ARHGAP15: variants seen among roughly 807,000 people sequenced by gnomAD.
The protein encoded by ARHGAP15 is rho GTPase-activating protein 15.
Under a neutral mutation model 63.7 loss-of-function variants are expected in ARHGAP15, and 51 were observed. That is an observed-to-expected ratio of 0.80 (90% CI 0.64 to 1.01). ARHGAP15 has a LOEUF of 1.01. Among genes scored for constraint, ARHGAP15 ranks in the 50% least tolerant of loss-of-function variants. The pLI, the probability that ARHGAP15 is intolerant of heterozygous loss-of-function variation, is 0.00. For synonymous variants in ARHGAP15, 191 were observed against 193.8 expected, an observed-to-expected ratio of 0.99 and a Z score of 0.12; for missense variants, 560 against 564.6, an observed-to-expected ratio of 0.99 and a Z score of 0.08.
At chr2:143,332,847 T>G (rs1352340217) in intron 6 of ARHGAP15, among the ~76,000 whole-genome samples, 1 of 152,082 alleles carries the variant, frequency 6.6e-6, no homozygotes, top group Non-Finnish European at 1.5e-5. Flanking sequence ...GTGTCAAATA[T>G]TATTAGTTCT....
At chr2:143,147,765 G>A (rs954851824) in intron 1 of ARHGAP15, among the ~76,000 whole-genome samples, 2 of 152,008 alleles carry the variant, frequency 1.3e-5, no homozygotes, top group Non-Finnish European at 2.9e-5. Flanking sequence ...GATGTTCAGA[G>A]TGAAGTACCT....
intron 9 of ARHGAP15, among the ~76,000 whole-genome samples, chr2:143,505,074 G>A (rs576944714): frequency 1.4e-4 from 22 of 152,190 alleles, no homozygotes; most frequent in Non-Finnish European, 2.2e-4. Flanking sequence ...TTCCTCAACA[G>A]AAATTACACC....
At chr2:143,252,037 A>C (rs1267635713) in intron 6 of ARHGAP15, among the ~76,000 whole-genome samples, 3 of 152,066 alleles carry the variant, frequency 2.0e-5, no homozygotes, top group Non-Finnish European at 2.9e-5. Context: ...CTTATTATGT[A>C]CTGTGAATTT....
intron 6 of ARHGAP15, among the ~76,000 whole-genome samples, chr2:143,423,543 A>G (rs1222861641): frequency 6.6e-6 from 1 of 152,146 alleles, no homozygotes; most frequent in East Asian, 1.9e-4. Context: ...GGATGTGTAC[A>G]GTAGTGAGAT....
chr2:143,540,205 C>T (rs1347877685), intron 10 of ARHGAP15, among the ~76,000 whole-genome samples: 3 of 152,114 alleles, frequency 2.0e-5, no homozygotes, highest in Non-Finnish European at 2.9e-5. Flanking sequence ...ATTGCAACCC[C>T]TGCCTTTTTT....
chr2:143,326,452 A>T (rs1427886275), intron 6 of ARHGAP15, among the ~76,000 whole-genome samples: 1 of 152,210 alleles, frequency 6.6e-6, no homozygotes, highest in African/African-American at 2.4e-5. Flanking sequence ...TCTACACAGC[A>T]CTATTGAGAA....
At chr2:143,279,335 T>G (rs1303307986) in intron 6 of ARHGAP15, among the ~76,000 whole-genome samples, 3 of 152,144 alleles carry the variant, frequency 2.0e-5, no homozygotes, top group Non-Finnish European at 4.4e-5. Context: ...TTGCGTCTGA[T>G]GATGGGAAGT....
intron 6 of ARHGAP15, among the ~76,000 whole-genome samples, chr2:143,257,145 T>C (rs1036343361): frequency 1.6e-4 from 24 of 152,118 alleles, no homozygotes; most frequent in African/African-American, 5.8e-4. Flanking sequence ...CCCGTGAAAC[T>C]CACTAGTCAA....
At chr2:143,395,459 C>T (rs1687717366) in intron 6 of ARHGAP15, among the ~76,000 whole-genome samples, 2 of 152,152 alleles carry the variant, frequency 1.3e-5, no homozygotes, top group South Asian at 4.1e-4. Flanking sequence ...AATATTCACA[C>T]ATTTGCAGAG....
chr2:143,313,149 G>A (rs567284121), intron 6 of ARHGAP15, among the ~76,000 whole-genome samples: 2 of 152,016 alleles, frequency 1.3e-5, no homozygotes, highest in Non-Finnish European at 2.9e-5. Flanking sequence ...ATACTGACAA[G>A]ATGAGAGAGA....
chr2:143,167,479 T>C (rs1210865786), intron 2 of ARHGAP15, among the ~76,000 whole-genome samples: 3 of 152,176 alleles, frequency 2.0e-5, no homozygotes, highest in East Asian at 1.9e-4. Flanking sequence ...GAAACCCAGA[T>C]TGGATTCAGT....
chr2:143,230,941 G>A (rs749353730), intron 5 of ARHGAP15, among the ~76,000 whole-genome samples: 55 of 152,262 alleles, frequency 3.6e-4, no homozygotes, highest in South Asian at 1.2e-3. Context: ...AGTGCAGAAT[G>A]TGATTTAAAA....
chr2:143,648,384 A>G (rs1380134717), intron 12 of ARHGAP15, among the ~76,000 whole-genome samples: 1 of 152,032 alleles, frequency 6.6e-6, no homozygotes, highest in Non-Finnish European at 1.5e-5. Flanking sequence ...CTAGTAGCCT[A>G]CAGGGTAATT....
chr2:143,686,107 G>A (rs1171662012), intron 12 of ARHGAP15, among the ~76,000 whole-genome samples: 10 of 152,068 alleles, frequency 6.6e-5, no homozygotes, highest in Non-Finnish European at 5.9e-5. Context: ...CCAGAAATTG[G>A]ATGTAGAAAA....
chr2:143,694,346 A>G (rs1683748304), intron 12 of ARHGAP15, among the ~76,000 whole-genome samples: 2 of 152,210 alleles, frequency 1.3e-5, no homozygotes, highest in South Asian at 4.1e-4. Context: ...ATAATAATTC[A>G]TAGTGATGTC....
chr2:143,608,756 A>G (rs1383262692), intron 11 of ARHGAP15: 1 of 152,234 alleles, frequency 6.6e-6, no homozygotes, highest in East Asian at 1.9e-4. Context: ...ACCTGTTTTA[A>G]TTAGCATTAT....
intron 6 of ARHGAP15, among the ~76,000 whole-genome samples, chr2:143,345,031 C>T (rs1685210490): frequency 6.6e-6 from 1 of 152,102 alleles, no homozygotes; most frequent in African/African-American, 2.4e-5. Context: ...TCAACAATAA[C>T]ATCAACAAAT....
chr2:143,431,518 G>T (rs1689388632), intron 6 of ARHGAP15, among the ~76,000 whole-genome samples: 2 of 152,100 alleles, frequency 1.3e-5, no homozygotes, highest in African/African-American at 4.8e-5. Context: ...TACAATCAAC[G>T]TTTAAAGAAT....
At position 143,352,527 on chromosome 2, in the gene ARHGAP15, A is replaced by G. The variant is rs192714498; in HGVS notation, c.475-83074A>G. On this transcript the variant is annotated intron_variant, in intron 6 of 13. Coordinates refer to ENST00000295095, the MANE Select transcript of ARHGAP15 (RefSeq NM_018460.4). ...CCATACTTTCCATGATGATCTATGG[A>G]AAAATTATCAATGGTCAAATAAGTT... Among the ~76,000 whole-genome samples the G allele has an allele frequency of 2.0e-5, 3 of 152,224 alleles. No individual in the cohort carries two copies. In the East Asian group the frequency reaches 5.8e-4, roughly 29 times the overall value.
Sources: gnomAD v4.1 joint callset for allele counts (sites outside exome capture counted in the v4.1 genomes callset) on GRCh38, gnomAD v4.1.1 for gene constraint, MANE v1.5 for transcripts, NCBI Gene and HGNC (gene_info 2026-07-23, HGNC 2026-07-21) for gene names.